CFAP61: variants seen among roughly 807,000 people sequenced by gnomAD.
CFAP61 encodes the protein cilia and flagella associated protein 61.
CFAP61 carries 107 observed loss-of-function variants against 135.6 expected under a neutral mutation model. The observed-to-expected ratio is 0.79, with a 90% confidence interval of 0.67 to 0.93. The LOEUF (loss-of-function observed/expected upper bound fraction) is 0.93, where lower values mean the gene tolerates loss of function less well. CFAP61 is among the 40% of genes least tolerant of loss of function. The pLI is 0.00. For missense variants in CFAP61, 1,507 were observed against 1,556.2 expected (o/e 0.97, Z 0.53); for synonymous variants, 575 against 578.5 (o/e 0.99, Z 0.09).
At chr20:20,216,775 A>T (rs2146928045) in intron 17 of CFAP61, among the ~76,000 whole-genome samples, 1 of 149,826 alleles carries the variant, frequency 6.7e-6, no homozygotes, top group Non-Finnish European at 1.5e-5. Context: ...GAAGAAAAAC[A>T]GTGGAAATTT....
intron 25 of CFAP61, among the ~76,000 whole-genome samples, chr20:20,324,884 A>G (rs1489936178): frequency 6.6e-6 from 1 of 152,124 alleles, no homozygotes; most frequent in Non-Finnish European, 1.5e-5. Flanking sequence ...GCCCATTTTT[A>G]ATTAGGTTGC....
chr20:20,264,702 G>A (rs894214823), intron 21 of CFAP61, among the ~76,000 whole-genome samples: 3 of 152,038 alleles, frequency 2.0e-5, no homozygotes, highest in African/African-American at 7.2e-5. Flanking sequence ...GACCAGCCTG[G>A]GAAACACGGG....
chr20:20,251,711 A>G lies in CFAP61; in HGVS notation c.2276A>G (p.Asp759Gly), dbSNP rs757746005. ...RAAKHVVLSTDEIVPYDHLIL... is the reference protein window; with the variant it reads ...RAAKHVVLSTGEIVPYDHLIL... ...GCCAAGCACGTTGTGCTTTCCACGG[A>G]CGAGATCGTGCCCTACGACCACCTC... The change falls in exon 20 of 27, where the codon GAC becomes GGC. Residue 759 changes from aspartate (D) to glycine (G), a missense_variant. Asp to Gly is a moderately conservative substitution (Grantham distance 94). Transcript: ENST00000245957. 4 of 1,614,050 alleles carry G rather than the reference A, an allele frequency of 2.5e-6. No homozygotes were observed. The highest frequency in any genetic ancestry group is 3.4e-6 in the Non-Finnish European group (4 of 1,180,056).
intron 2 of CFAP61, among the ~76,000 whole-genome samples, chr20:20,070,400 T>C (rs2045620171): frequency 6.6e-6 from 1 of 152,130 alleles, no homozygotes; most frequent in Non-Finnish European, 1.5e-5. Context: ...GACCCATTCA[T>C]CCTAGTTTGC....
intron 25 of CFAP61, among the ~76,000 whole-genome samples, chr20:20,332,040 C>T (rs548464115): frequency 6.6e-6 from 1 of 152,318 alleles, no homozygotes; most frequent in East Asian, 1.9e-4. Flanking sequence ...TGGCCAACTT[C>T]CAGGGCACTA....
chr20:20,228,017 A>T (rs1246221389), intron 17 of CFAP61, among the ~76,000 whole-genome samples: 1 of 152,180 alleles, frequency 6.6e-6, no homozygotes, highest in Non-Finnish European at 1.5e-5. Context: ...ACATCTTGAA[A>T]ACCAGCATTT....
intron 7 of CFAP61, among the ~76,000 whole-genome samples, chr20:20,096,580 C>G (rs1373153768): frequency 6.6e-6 from 1 of 152,226 alleles, no homozygotes; most frequent in Non-Finnish European, 1.5e-5. Flanking sequence ...TTCAGGCCAT[C>G]GAAGTTTTGT....
chr20:20,053,084 T>C (rs139714431), intron 1 of CFAP61, among the ~76,000 whole-genome samples: 337 of 152,324 alleles, frequency 2.2e-3, no homozygotes, highest in African/African-American at 7.7e-3. Flanking sequence ...TTAATTACTC[T>C]AGTTAAATTT....
chr20:20,202,481 A>G (rs2056671163), intron 17 of CFAP61, among the ~76,000 whole-genome samples: 1 of 152,356 alleles, frequency 6.6e-6, no homozygotes, highest in South Asian at 2.1e-4. Flanking sequence ...CATAATCCCC[A>G]TGGAATGGGC....
Position 20,116,728 on chromosome 20 carries a change from C to T in CFAP61, c.859+17914C>T, listed in dbSNP as rs1301212054. ...TATTAAACTGTATGTTTGTACCCATCAATCAACTTCTCTTTCTCTCCCCCA... is the reference window on the plus strand; with the variant it reads ...TATTAAACTGTATGTTTGTACCCATTAATCAACTTCTCTTTCTCTCCCCCA... On this transcript the variant is annotated intron_variant, in intron 8 of 26. Transcript: ENST00000245957. 8.7e-4 allele frequency among the ~76,000 whole-genome samples: 133 copies of T among 152,126 alleles called. 1 individual carries two copies. Among genetic ancestry groups the T allele is most frequent in the South Asian group, 2.1e-4 (1 of 4,826 alleles).
Position 20,098,721 on chromosome 20 carries a change from TG to T in CFAP61, c.767del (p.Cys256SerfsTer25). 3.7e-6 allele frequency: 6 copies of T among 1,613,270 alleles called. No homozygotes were observed. Among genetic ancestry groups the T allele is most frequent in the Non-Finnish European group, 5.1e-6 (6 of 1,179,838 alleles). On this transcript the variant is annotated frameshift_variant, in exon 8 of 27. Coordinates refer to ENST00000245957, the MANE Select transcript of CFAP61 (RefSeq NM_015585.4). LOFTEE classifies it high-confidence loss of function. The stretch of plus-strand genomic sequence containing the variant: ...AGTGAACATGCAACTGCTGCATGAG[TG>T]CTTTGACTTGGGCCCTTTCCACGGA... Reference protein sequence around the residue: ...SRVNMQLLHECFDLGPFHGLC... With the variant: ...SRVNMQLLHEXFDLGPFHGLC...
chr20:20,273,332 A>C (rs979883548), intron 21 of CFAP61, among the ~76,000 whole-genome samples: 5 of 152,166 alleles, frequency 3.3e-5, no homozygotes, highest in African/African-American at 1.2e-4. Flanking sequence ...GGATTTTATG[A>C]GCCTACACTG....
chr20:20,324,864 G>GTCAT (rs2057686112), intron 25 of CFAP61, among the ~76,000 whole-genome samples: 1 of 152,064 alleles, frequency 6.6e-6, no homozygotes, highest in African/African-American at 2.4e-5. Flanking sequence ...TGAATTGCGT[G>GTCAT]TCATTCTTTG....
At chr20:20,109,388 C>T (rs1219125653) in intron 8 of CFAP61, among the ~76,000 whole-genome samples, 1 of 152,148 alleles carries the variant, frequency 6.6e-6, no homozygotes, top group Non-Finnish European at 1.5e-5. Context: ...ATCTTTGCAC[C>T]ACCCAGCATC....
At position 20,324,512 on chromosome 20, in the gene CFAP61, T is replaced by C. The variant is rs116017379; in HGVS notation, c.3423-17319T>C. 6.7e-3 allele frequency among the ~76,000 whole-genome samples: 1,021 copies of C among 152,354 alleles called. 11 individuals carry two copies. Among genetic ancestry groups the C allele is most frequent in the African/African-American group, 0.024 (979 of 41,580 alleles). On this transcript the variant is annotated intron_variant, in intron 25 of 26. Transcript: ENST00000245957. ...ATCCCAATTTACTTAATGATTTTTCTACTAATGAACATTTAGGTTATTTTC... is the reference window on the plus strand; with the variant it reads ...ATCCCAATTTACTTAATGATTTTTCCACTAATGAACATTTAGGTTATTTTC...
At chr20:20,113,080 CAT>C (rs2048907211) in intron 8 of CFAP61, among the ~76,000 whole-genome samples, 1 of 152,102 alleles carries the variant, frequency 6.6e-6, no homozygotes, top group South Asian at 2.1e-4. Context: ...ATTACAGCCT[CAT>C]ATAGGATCAG....
At chr20:20,188,977 T>C (rs1054051248) in intron 14 of CFAP61, among the ~76,000 whole-genome samples, 1 of 152,214 alleles carries the variant, frequency 6.6e-6, no homozygotes, top group Non-Finnish European at 1.5e-5. Flanking sequence ...TTTTCTGATA[T>C]CAAGTTTCTT....
At chr20:20,080,789 G>A (rs1160793771) in intron 6 of CFAP61, among the ~76,000 whole-genome samples, 1 of 151,996 alleles carries the variant, frequency 6.6e-6, no homozygotes, top group African/African-American at 2.4e-5. Flanking sequence ...AGATCACGAG[G>A]TCAAGAGATT....
intron 18 of CFAP61, among the ~76,000 whole-genome samples, chr20:20,240,370 G>A (rs2049929436): frequency 6.6e-6 from 1 of 152,130 alleles, no homozygotes; most frequent in African/African-American, 2.4e-5. Flanking sequence ...GTCCCAGACA[G>A]GAGGTTCTGT....
Sources: gnomAD v4.1 joint callset for allele counts (sites outside exome capture counted in the v4.1 genomes callset) on GRCh38, gnomAD v4.1.1 for gene constraint, MANE v1.5 for transcripts, NCBI Gene and HGNC (gene_info 2026-07-23, HGNC 2026-07-21) for gene names.